Variants in GPM6A observed in about 807,000 individuals in gnomAD.
GPM6A encodes the protein neuronal membrane glycoprotein M6-a.
Under a neutral mutation model 32.1 loss-of-function variants are expected in GPM6A, and 7 were observed. The ratio of observed to expected loss-of-function variants is 0.22; its 90% CI spans 0.12 to 0.41. The LOEUF (loss-of-function observed/expected upper bound fraction) is 0.41. Among genes scored for constraint, GPM6A ranks in the 10% least tolerant of loss-of-function variants. The pLI, the probability that GPM6A is intolerant of heterozygous loss-of-function variation, is 1.00. For missense variants in GPM6A, 235 were observed against 347.2 expected, an observed-to-expected ratio of 0.68 and a Z score of 2.57; for synonymous variants, 130 against 123.4, an observed-to-expected ratio of 1.05 and a Z score of -0.35.
chr4:175,728,462 A>T (rs1210211016), intron 1 of GPM6A, among the ~76,000 whole-genome samples: 1 of 152,134 alleles, frequency 6.6e-6, no homozygotes, highest in Non-Finnish European at 1.5e-5. Flanking sequence ...TGTTTTTTTG[A>T]CCTTGTATAT....
intron 1 of GPM6A, among the ~76,000 whole-genome samples, chr4:175,976,387 C>T (rs1160485862): frequency 7.3e-5 from 11 of 149,974 alleles, no homozygotes; most frequent in Non-Finnish European, 1.6e-4. Context: ...ACGATGGTCT[C>T]GATCTCCTGA....
intron 1 of GPM6A, among the ~76,000 whole-genome samples, chr4:175,966,762 T>C (rs994775642): frequency 6.6e-6 from 1 of 152,288 alleles, no homozygotes; most frequent in East Asian, 1.9e-4. Flanking sequence ...TGGTAATTTG[T>C]GTAGTAGCCT....
intron 1 of GPM6A, among the ~76,000 whole-genome samples, chr4:175,961,565 AG>A (rs1404101111): frequency 1.3e-5 from 2 of 152,116 alleles, no homozygotes; most frequent in African/African-American, 4.8e-5. Context: ...AGTTTGGACA[AG>A]TTTGAGAATT....
chr4:175,741,471 G>T (rs1433216727), intron 1 of GPM6A, among the ~76,000 whole-genome samples: 1 of 152,180 alleles, frequency 6.6e-6, no homozygotes, highest in Admixed American at 6.5e-5. Flanking sequence ...GCTAATGGAA[G>T]ACATCCCAAA....
At chr4:175,877,159 C>T (rs961336105) in intron 1 of GPM6A, among the ~76,000 whole-genome samples, 3 of 152,152 alleles carry the variant, frequency 2.0e-5, no homozygotes, top group African/African-American at 7.2e-5. Flanking sequence ...TGAATGCAGA[C>T]AGCAGATTCA....
At chr4:175,782,260 A>C (rs76934367) in intron 1 of GPM6A, among the ~76,000 whole-genome samples, 1,619 of 152,230 alleles carry the variant, frequency 0.011, 34 homozygotes, top group African/African-American at 0.037. Flanking sequence ...GTGTTTCTCA[A>C]CGATTTTTTT....
intron 1 of GPM6A, among the ~76,000 whole-genome samples, chr4:175,955,996 A>T (rs1739974178): frequency 6.6e-6 from 1 of 152,176 alleles, no homozygotes; most frequent in African/African-American, 2.4e-5. Context: ...TAAGGGCTGA[A>T]CCCTCACCAG....
rs33998725 is a variant in GPM6A, at chr4:175,670,861, A to ATTTTTTTTTTT, written c.387+2808_387+2818dup. Among the ~76,000 whole-genome samples, 173 of 124,146 alleles carry ATTTTTTTTTTT rather than the reference A, an allele frequency of 1.4e-3. 3 individuals are homozygous for ATTTTTTTTTTT. Among genetic ancestry groups the ATTTTTTTTTTT allele is most frequent in the African/African-American group, 4.8e-3 (164 of 34,368 alleles). The allele number at this position is 124,146 out of a possible 152,430, so 81.4% of individuals were successfully genotyped here. A position where few individuals can be genotyped will look rare whatever the true frequency, so the allele number is the denominator to read the frequency against. On this transcript the variant is annotated intron_variant, in intron 3 of 6. Coordinates refer to ENST00000393658, the MANE Select transcript of GPM6A (RefSeq NM_201591.3). ...CCATTCAGTGATACAATGTTGCTTCATTTTTTTTTTTTTTTTTTTTGAGAC... is the reference window on the plus strand; with the variant it reads ...CCATTCAGTGATACAATGTTGCTTCATTTTTTTTTTTTTTTTTTTTTTTTTTTTTTTGAGAC...
At chr4:175,895,941 C>A (rs1737783117) in intron 1 of GPM6A, among the ~76,000 whole-genome samples, 1 of 152,082 alleles carries the variant, frequency 6.6e-6, no homozygotes, top group African/African-American at 2.4e-5. Flanking sequence ...ATTACATTGG[C>A]TTTTATTAAT....
intron 1 of GPM6A, among the ~76,000 whole-genome samples, chr4:175,797,572 T>C (rs550683598): frequency 6.6e-6 from 1 of 152,286 alleles, no homozygotes; most frequent in East Asian, 1.9e-4. Context: ...CATCCCATGA[T>C]TGCAATTTTC....
rs1190915755 is a variant in GPM6A, at chr4:175,924,839, C to CAAAA, written c.-23+77466_-23+77469dup. 3.2e-3 allele frequency among the ~76,000 whole-genome samples: 197 copies of CAAAA among 61,988 alleles called. 1 individual carries two copies. Among genetic ancestry groups the CAAAA allele is most frequent in the African/African-American group, 8.3e-3 (183 of 22,066 alleles). The allele number at this position is 61,988 out of a possible 152,430, so 40.7% of individuals were successfully genotyped here. On this transcript the variant is annotated intron_variant, in intron 1 of 7. Transcript: ENST00000280187. Reference sequence around the variant, plus strand: ...TAGGCAACAGAGTGAAAATCTGTCTCAAAAAAAAAAAAAAAAAAAAGAGAG... The same window carrying CAAAA: ...TAGGCAACAGAGTGAAAATCTGTCTCAAAAAAAAAAAAAAAAAAAAAAAAGAGAG...
chr4:175,985,471 A>T (rs1209166364), intron 1 of GPM6A, among the ~76,000 whole-genome samples: 1 of 152,174 alleles, frequency 6.6e-6, no homozygotes. Flanking sequence ...ATTCTTGTAG[A>T]ATGTCTTTAT....
At chr4:175,852,948 G>C (rs949783112) in intron 1 of GPM6A, among the ~76,000 whole-genome samples, 11 of 152,070 alleles carry the variant, frequency 7.2e-5, no homozygotes, top group African/African-American at 2.7e-4. Context: ...CAATCGATGC[G>C]CAATAAATAT....
At chr4:175,813,148 C>A (rs1022936372), upstream of GPM6A, 1 of 827,168 alleles carries the variant, frequency 1.2e-6, no homozygotes, top group Non-Finnish European at 1.5e-6. Context: ...TGATTATAGC[C>A]CACGAAAGCT....
intron 1 of GPM6A, among the ~76,000 whole-genome samples, chr4:175,994,373 C>T (rs1741240608): frequency 1.3e-5 from 2 of 152,088 alleles, no homozygotes. Flanking sequence ...TGCAGGCATG[C>T]CTTAGAGGTA....
At chr4:175,732,646 T>C (rs1176500500) in intron 1 of GPM6A, among the ~76,000 whole-genome samples, 1 of 152,136 alleles carries the variant, frequency 6.6e-6, no homozygotes, top group Non-Finnish European at 1.5e-5. Context: ...GAGATGAAAA[T>C]ATCACCTTTC....
At chr4:175,681,438 G>A (rs1214467600) in intron 2 of GPM6A, among the ~76,000 whole-genome samples, 1 of 151,906 alleles carries the variant, frequency 6.6e-6, no homozygotes, top group Non-Finnish European at 1.5e-5. Context: ...AAGATTTGTG[G>A]TCCTCTCTGC....
At chr4:175,995,602 T>C (rs1380518082) in intron 1 of GPM6A, among the ~76,000 whole-genome samples, 1 of 152,076 alleles carries the variant, frequency 6.6e-6, no homozygotes, top group Non-Finnish European at 1.5e-5. Context: ...CATGTTAAAA[T>C]TGCAGGTCCA....
intron 1 of GPM6A, among the ~76,000 whole-genome samples, chr4:175,765,582 T>C (rs1269423604): frequency 1.3e-5 from 2 of 152,202 alleles, no homozygotes; most frequent in Admixed American, 1.3e-4. Flanking sequence ...AAATAATTGT[T>C]AACTATAATT....
Sources: gnomAD v4.1 joint callset for allele counts (sites outside exome capture counted in the v4.1 genomes callset) on GRCh38, gnomAD v4.1.1 for gene constraint, MANE v1.5 for transcripts, NCBI Gene and HGNC (gene_info 2026-07-23, HGNC 2026-07-21) for gene names.